Variants in PDE4D observed in about 807,000 individuals in gnomAD.
The protein encoded by PDE4D is phosphodiesterase 4D, also known as 3',5'-cyclic-AMP phosphodiesterase 4D.
A neutral mutation model predicts 87.4 loss-of-function variants in PDE4D; 24 were observed. That is an observed-to-expected ratio of 0.27 (90% confidence interval 0.20 to 0.39). The LOEUF (loss-of-function observed/expected upper bound fraction) is 0.39. Among genes scored for constraint, PDE4D ranks in the 10% least tolerant of loss-of-function variants. The pLI is 1.00. For missense variants in PDE4D, 714 were observed against 1,041.0 expected, an observed-to-expected ratio of 0.69 and a Z score of 4.32; for synonymous variants, 384 against 383.2, an observed-to-expected ratio of 1.00 and a Z score of -0.02.
intron 6 of PDE4D, among the ~76,000 whole-genome samples, chr5:59,025,669 T>C (rs931360366): frequency 6.6e-6 from 1 of 152,276 alleles, no homozygotes; most frequent in African/African-American, 2.4e-5. Context: ...GCTTTATTCA[T>C]ATTTAAGCCA....
chr5:60,110,996 G>T (rs938026971), intron 2 of PDE4D, among the ~76,000 whole-genome samples: 5 of 152,036 alleles, frequency 3.3e-5, no homozygotes, highest in Non-Finnish European at 7.4e-5. Flanking sequence ...GGGTATTAGA[G>T]ATTGGGAAGG....
intron 1 of PDE4D, among the ~76,000 whole-genome samples, chr5:60,458,083 T>C (rs760565640): frequency 6.6e-6 from 1 of 152,122 alleles, no homozygotes; most frequent in Admixed American, 6.6e-5. Flanking sequence ...TTTTGGAGAA[T>C]AGCTAAGAAT....
chr5:59,900,070 T>C (rs1752074108), intron 3 of PDE4D, among the ~76,000 whole-genome samples: 1 of 151,902 alleles, frequency 6.6e-6, no homozygotes, highest in South Asian at 2.1e-4. Context: ...TGAAACCCTG[T>C]CTCTACTAAA....
intron 1 of PDE4D, among the ~76,000 whole-genome samples, chr5:59,431,056 G>A (rs529200867): frequency 1.2e-4 from 19 of 152,056 alleles, no homozygotes; most frequent in Admixed American, 3.9e-4. Context: ...ACATAAAAAC[G>A]GTAAGCAATG....
At chr5:60,290,383 T>C (rs1484802707) in intron 1 of PDE4D, among the ~76,000 whole-genome samples, 1 of 151,968 alleles carries the variant, frequency 6.6e-6, no homozygotes, top group Non-Finnish European at 1.5e-5. Flanking sequence ...TAATGTGTGA[T>C]AAAATTAAGA....
At chr5:60,094,282 A>G (rs910730941) in intron 2 of PDE4D, among the ~76,000 whole-genome samples, 1 of 152,164 alleles carries the variant, frequency 6.6e-6, no homozygotes, top group Admixed American at 6.5e-5. Flanking sequence ...AACATCAAAA[A>G]CAAAGTTGAA....
At chr5:59,323,691 C>T (rs1775117820) in intron 1 of PDE4D, among the ~76,000 whole-genome samples, 2 of 152,128 alleles carry the variant, frequency 1.3e-5, no homozygotes, top group African/African-American at 4.8e-5. Context: ...CCCTTCACCA[C>T]TCTTTCCTGG....
At chr5:59,566,371 T>C (rs1013151250) in intron 1 of PDE4D, among the ~76,000 whole-genome samples, 2 of 152,156 alleles carry the variant, frequency 1.3e-5, no homozygotes, top group Non-Finnish European at 2.9e-5. Context: ...CTCTCTTGCC[T>C]TCTTTTCCTG....
chr5:60,343,496 A>G (rs369123750), intron 1 of PDE4D, among the ~76,000 whole-genome samples: 13 of 152,332 alleles, frequency 8.5e-5, no homozygotes, highest in Admixed American at 2.6e-4. Context: ...TATTAAGCAC[A>G]TATCTTCCAG....
chr5:59,610,224 A>T (rs1016697102), intron 1 of PDE4D, among the ~76,000 whole-genome samples: 3 of 152,210 alleles, frequency 2.0e-5, no homozygotes, highest in Non-Finnish European at 4.4e-5. Flanking sequence ...AGTCTCAGAG[A>T]TGCTAAGTGA....
chr5:60,486,717 T>C (rs962959438), intron 1 of PDE4D, among the ~76,000 whole-genome samples: 4 of 152,344 alleles, frequency 2.6e-5, no homozygotes, highest in Admixed American at 1.3e-4. Flanking sequence ...TTGCCAACTA[T>C]AGCTATTAAA....
chr5:60,409,866 T>C (rs933314424), intron 1 of PDE4D, among the ~76,000 whole-genome samples: 2 of 141,810 alleles, frequency 1.4e-5, no homozygotes, highest in African/African-American at 5.6e-5. Context: ...CTCTTTCTCA[T>C]CCCAGGAGTG....
At chr5:60,464,671 C>T (rs1747206880) in intron 1 of PDE4D, among the ~76,000 whole-genome samples, 1 of 152,124 alleles carries the variant, frequency 6.6e-6, no homozygotes, top group Non-Finnish European at 1.5e-5. Context: ...ATCTTGGCTG[C>T]CAAAAACTCA....
At chr5:59,179,393 C>A (rs1282154028) in intron 5 of PDE4D, among the ~76,000 whole-genome samples, 1 of 152,172 alleles carries the variant, frequency 6.6e-6, no homozygotes, top group Non-Finnish European at 1.5e-5. Flanking sequence ...TGAGCCACCA[C>A]TCCTGGCCCT....
At chr5:59,239,651 C>T (rs752631060) in intron 1 of PDE4D, among the ~76,000 whole-genome samples, 1 of 152,180 alleles carries the variant, frequency 6.6e-6, no homozygotes, top group Non-Finnish European at 1.5e-5. Context: ...TTCGTTGCCT[C>T]TCTAGGATCC....
intron 2 of PDE4D, among the ~76,000 whole-genome samples, chr5:59,993,237 C>A (rs920814340): frequency 3.9e-5 from 6 of 152,084 alleles, no homozygotes; most frequent in African/African-American, 1.4e-4. Flanking sequence ...AATAAGTCAC[C>A]AGTATCATTC....
chr5:60,163,280 G>T (rs566709905), intron 2 of PDE4D, among the ~76,000 whole-genome samples: 2 of 151,716 alleles, frequency 1.3e-5, no homozygotes, highest in South Asian at 2.1e-4. Flanking sequence ...CTATTTTCTT[G>T]CCTATTTATT....
chr5:59,941,505 G>A (rs1047252327), intron 3 of PDE4D, among the ~76,000 whole-genome samples: 2 of 152,180 alleles, frequency 1.3e-5, no homozygotes, highest in African/African-American at 4.8e-5. Context: ...TTTCACCATA[G>A]CTTCCACTGT....
At chr5:59,200,204 T>A (rs1581339446) in intron 2 of PDE4D, among the ~76,000 whole-genome samples, 1 of 134,920 alleles carries the variant, frequency 7.4e-6, no homozygotes, top group East Asian at 2.2e-4. Context: ...CACGTGTATG[T>A]ATAGATACAC....
Sources: gnomAD v4.1 joint callset for allele counts (sites outside exome capture counted in the v4.1 genomes callset) on GRCh38, gnomAD v4.1.1 for gene constraint, MANE v1.5 for transcripts, NCBI Gene and HGNC (gene_info 2026-07-23, HGNC 2026-07-21) for gene names.